The following USP34 variants were observed in gnomAD, a reference collection of about 807,000 sequenced individuals.
The protein encoded by USP34 is ubiquitin carboxyl-terminal hydrolase 34.
Under a neutral mutation model 460.3 loss-of-function variants are expected in USP34, and 70 were observed. The ratio of observed to expected loss-of-function variants is 0.15; its 90% confidence interval spans 0.13 to 0.19. The LOEUF is 0.19. Ranked by LOEUF, USP34 falls within the 10% of genes least tolerant of loss-of-function variation. The probability of loss-of-function intolerance (pLI) is 1.00; values close to 1 mark genes in which losing one functional copy is unlikely to be tolerated. For missense variants in USP34, 3,985 were observed against 4,236.2 expected (o/e 0.94, Z 1.65); for synonymous variants, 1,647 against 1,405.3 (o/e 1.17, Z -3.85).
At chr2:61,425,462 G>T (rs114699115) in intron 1 of USP34, among the ~76,000 whole-genome samples, 60 of 152,116 alleles carry the variant, frequency 3.9e-4, no homozygotes, top group African/African-American at 1.4e-3. Context: ...GGACAACACA[G>T]CAACTGCAAG....
At chr2:61,347,151 G>A (rs1306041181) in intron 15 of USP34, among the ~76,000 whole-genome samples, 1 of 151,116 alleles carries the variant, frequency 6.6e-6, no homozygotes. Context: ...AAGAAAAAAA[G>A]AAGAAGAAAA....
chr2:61,320,001 T>A (rs1456413475), intron 21 of USP34, among the ~76,000 whole-genome samples: 1 of 152,154 alleles, frequency 6.6e-6, no homozygotes, highest in South Asian at 2.1e-4. Context: ...TCGGTGGTGG[T>A]AGATGAAATC....
intron 41 of USP34, among the ~76,000 whole-genome samples, chr2:61,277,368 C>T (rs1229278528): frequency 1.3e-5 from 2 of 151,858 alleles, no homozygotes; most frequent in Non-Finnish European, 2.9e-5. Flanking sequence ...TCCTGAGTAG[C>T]TGAGACTACA....
chr2:61,223,424 T>G, intron 62 of USP34, 128 bp from the exon 63 acceptor site: 1 of 956,940 alleles, frequency 1.0e-6, no homozygotes, highest in Non-Finnish European at 1.5e-6. Flanking sequence ...AAATGATTTT[T>G]TGCTAGCTAC....
rs1417186172 is a variant in USP34 at position 61,430,231 on chromosome 2, GAAAAGA to G, written c.44-9404_44-9399del. ...CTTCGTCACAAAAAAAAAAAAAAAA[GAAAAGA>G]AAAAAAAAATACAAAAATTAGCCAG... On this transcript the variant is annotated intron_variant, in intron 1 of 79. Coordinates refer to ENST00000398571, the MANE Select transcript of USP34 (RefSeq NM_014709.4). Among the ~76,000 whole-genome samples the G allele has an allele frequency of 9.7e-3, 1,154 of 118,408 alleles. 16 individuals carry two copies. The highest frequency in any genetic ancestry group is 0.033 in the African/African-American group (1,098 of 32,888). The allele number at this position is 118,408 out of a possible 152,430, so 77.7% of individuals were successfully genotyped here. A position where few individuals can be genotyped will look rare whatever the true frequency, so the allele number is the denominator to read the frequency against.
Position 61,470,789 on chromosome 2 carries a change from C to G in USP34, c.-97G>C. On this transcript the variant is annotated 5_prime_UTR_variant, in exon 1 of 80. Transcript: ENST00000398571. Reference sequence around the variant, plus strand: ...GAGAGAGGCGGAGGAGGGGGCCGGCCGGCCGGCGGGGCGGGGAGGCGACTA... The same window carrying G: ...GAGAGAGGCGGAGGAGGGGGCCGGCGGGCCGGCGGGGCGGGGAGGCGACTA... 2.5e-6 allele frequency: 2 copies of G among 803,114 alleles called. No homozygotes were observed. Among genetic ancestry groups the G allele is most frequent in the Non-Finnish European group, 3.5e-6 (2 of 567,872 alleles). 49.7% of individuals were successfully genotyped at this position (803,114 alleles called of 1,614,324 possible).
At chr2:61,419,531 G>A (rs1694297267) in intron 2 of USP34, among the ~76,000 whole-genome samples, 2 of 152,106 alleles carry the variant, frequency 1.3e-5, no homozygotes, top group Non-Finnish European at 2.9e-5. Context: ...GAATACAAGT[G>A]TATTAGGAAT....
chr2:61,399,425 G>C (rs1693642326), intron 3 of USP34, among the ~76,000 whole-genome samples: 1 of 151,864 alleles, frequency 6.6e-6, no homozygotes, highest in African/African-American at 2.4e-5. Flanking sequence ...TGATTCAGGG[G>C]AACTGTTTTG....
chr2:61,441,493 A>T (rs1694961373), intron 1 of USP34, among the ~76,000 whole-genome samples: 1 of 152,140 alleles, frequency 6.6e-6, no homozygotes. Flanking sequence ...CCTCCTCTGG[A>T]GCCCAGGGCC....
chr2:61,235,259 G>A (rs1688032429), intron 57 of USP34, among the ~76,000 whole-genome samples: 1 of 151,712 alleles, frequency 6.6e-6, no homozygotes, highest in South Asian at 2.1e-4. Flanking sequence ...AGAAATATTT[G>A]GAAGACTCTT....
chr2:61,284,287 A>T (rs1359129074), intron 35 of USP34, among the ~76,000 whole-genome samples: 1 of 152,218 alleles, frequency 6.6e-6, no homozygotes, highest in Admixed American at 6.5e-5. Flanking sequence ...ACATAATCTG[A>T]ATCTAATCAT....
Position 61,387,557 on chromosome 2 carries a change from TTTA to T in USP34, c.754-4224_754-4222del, listed in dbSNP as rs1413782343. On this transcript the variant is annotated intron_variant, in intron 5 of 79. Coordinates refer to ENST00000398571, the MANE Select transcript of USP34 (RefSeq NM_014709.4). ...TACACACATATATAAAATATATATA[TTTA>T]TATATACACACATATATAAAATATA... is the stretch of plus-strand genomic sequence containing the variant. 4.1e-5 allele frequency among the ~76,000 whole-genome samples: 6 copies of T among 146,852 alleles called. No homozygotes were observed. The East Asian group carries it at 1.2e-3, about 29-fold the overall frequency.
At chr2:61,344,913 G>A (rs1226314305) in intron 15 of USP34, among the ~76,000 whole-genome samples, 2 of 152,138 alleles carry the variant, frequency 1.3e-5, no homozygotes, top group Non-Finnish European at 2.9e-5. Flanking sequence ...GCTCAGTATA[G>A]TGGCAAACAT....
intron 29 of USP34, 45 bp from the exon 30 acceptor site, chr2:61,296,970 G>C (rs754347414): frequency 1.3e-6 from 2 of 1,545,486 alleles, no homozygotes; most frequent in South Asian, 1.2e-5. Flanking sequence ...GATCAGAAAA[G>C]AAAAAGTTTT....
chr2:61,400,894 G>A (rs555189787), intron 3 of USP34, among the ~76,000 whole-genome samples: 1 of 152,194 alleles, frequency 6.6e-6, no homozygotes, highest in East Asian at 1.9e-4. Flanking sequence ...GCTTACGCCT[G>A]TAATCCCAGC....
intron 27 of USP34, among the ~76,000 whole-genome samples, chr2:61,309,245 G>A (rs1245838325): frequency 1.3e-5 from 2 of 151,988 alleles, no homozygotes; most frequent in African/African-American, 4.8e-5. Context: ...ATGATGCAAG[G>A]AATAAAAAAC....
intron 1 of USP34, among the ~76,000 whole-genome samples, chr2:61,458,824 T>C (rs970072196): frequency 6.6e-6 from 1 of 151,960 alleles, no homozygotes; most frequent in African/African-American, 2.4e-5. Flanking sequence ...TCCCAGCACT[T>C]TGGGAGGCCA....
intron 30 of USP34, 139 bp from the exon 31 acceptor site, chr2:61,295,429 G>GTA (rs1420856146): frequency 4.6e-6 from 4 of 876,268 alleles, no homozygotes; most frequent in Non-Finnish European, 6.2e-6. Context: ...TGAAGACTAG[G>GTA]TATATAACTG....
At chr2:61,404,284 A>T (rs890038296) in intron 3 of USP34, among the ~76,000 whole-genome samples, 2 of 152,140 alleles carry the variant, frequency 1.3e-5, no homozygotes, top group African/African-American at 4.8e-5. Context: ...CAAACAAAAA[A>T]AATGTCATAG....
Sources: allele counts gnomAD v4.1 joint callset (sites outside exome capture counted in the v4.1 genomes callset), GRCh38; gene constraint gnomAD v4.1.1; transcripts MANE v1.5; gene names NCBI Gene and HGNC (gene_info 2026-07-23, HGNC 2026-07-21).